Variants in ENDOV observed in about 807,000 individuals in gnomAD.
The protein encoded by ENDOV is hEndoV.
In ENDOV, 37 loss-of-function variants were observed where a neutral mutation model predicts 39.4. The observed-to-expected ratio is 0.94, with a 90% CI of 0.72 to 1.23. ENDOV has a LOEUF of 1.23. Ranked by LOEUF, ENDOV falls within the 50% of genes most tolerant of loss-of-function variation. The pLI is 0.00. For missense variants in ENDOV, 441 were observed against 375.7 expected (o/e 1.17, Z -1.44); for synonymous variants, 186 against 163.4 (o/e 1.14, Z -1.05).
At position 80,437,327 on chromosome 17, in the gene ENDOV, A is replaced by C. The variant is rs907621745; in HGVS notation, c.*1184A>C. 3.9e-5 allele frequency: 6 copies of C among 152,698 alleles called. No homozygotes were observed. Among genetic ancestry groups the C allele is most frequent in the African/African-American group, 1.4e-4 (6 of 41,446 alleles). 9.5% of individuals were successfully genotyped at this position (152,698 alleles called of 1,614,324 possible). On this transcript the variant is annotated 3_prime_UTR_variant, in exon 10 of 10. Transcript: ENST00000518137. ...GCGGACAGCCAGCACCCCCTCCCCA[A>C]AGACCGGGCAGTTCCTGACCAGCAC...
intron 7 of ENDOV, 134 bp from the exon 8 acceptor site, chr17:80,428,462 C>A: frequency 1.2e-6 from 1 of 845,718 alleles, no homozygotes; most frequent in Non-Finnish European, 1.9e-6. Flanking sequence ...GCTCCTGAGC[C>A]TGAAGAACTG....
At chr17:80,421,368 A>G (rs1568217946) in intron 2 of ENDOV, among the ~76,000 whole-genome samples, 1 of 147,628 alleles carries the variant, frequency 6.8e-6, no homozygotes, top group Non-Finnish European at 1.5e-5. Context: ...TACAGACCAG[A>G]TACCAGGGAA....
In ENDOV at chr17:80,423,516, G is replaced by A. The variant is rs2082320256; in HGVS notation, c.404-4G>A. 3 of 1,549,602 alleles carry A rather than the reference G, an allele frequency of 1.9e-6. No homozygotes were observed. Among genetic ancestry groups the A allele is most frequent in the South Asian group, 1.2e-5 (1 of 83,968 alleles). ...CCAACCCCACCCTCCTTTCTCTCTG[G>A]CAGGCTTTGGGGTGGCCTGCCACCT... On this transcript the variant is annotated splice_region_variant and splice_polypyrimidine_tract_variant and intron_variant, in intron 4 of 9. Coordinates refer to ENST00000518137, the MANE Select transcript of ENDOV (RefSeq NM_173627.5).
chr17:80,429,738 A>G, intron 8 of ENDOV, 35 bp from the exon 9 acceptor site: 3 of 1,576,492 alleles, frequency 1.9e-6, no homozygotes, highest in Non-Finnish European at 2.6e-6. Context: ...AGGCGCTAGC[A>G]TCTGATGCTG....
chr17:80,428,405 C>A (rs1220352974), intron 7 of ENDOV, 191 bp from the exon 8 acceptor site: 1 of 608,462 alleles, frequency 1.6e-6, no homozygotes, highest in Non-Finnish European at 2.9e-6. Context: ...GGGCTTTGAC[C>A]CCAAAGTCCC....
At position 80,415,204 on chromosome 17, in the gene ENDOV, G is replaced by C; in HGVS notation, c.10G>C (p.Glu4Gln). 6.2e-7 allele frequency: 1 copy of C among 1,613,258 alleles called. No individual in the cohort carries two copies. The highest frequency in any genetic ancestry group is 8.5e-7 in the Non-Finnish European group (1 of 1,179,686). The change falls in exon 1 of 10, where the codon GAG becomes CAG. Residue 4 changes from glutamate to glutamine, a missense_variant. Transcript: ENST00000518137. MAL[E>Q]AAGGPPEETL... is the part of the protein sequence containing the mutation. ...TGCCCGGGACGAAGCCATGGCCCTG[G>C]AGGCGGCGGGAGGGCCGCCGGAGGA...
At chr17:80,419,594 TCA>T in intron 2 of ENDOV, 1 of 702,982 alleles carries the variant, frequency 1.4e-6, no homozygotes, top group Non-Finnish European at 2.6e-6. Context: ...AGTTCTGCCT[TCA>T]GGTAGCAAAA....
At chr17:80,430,379 G>T (rs75863535) in intron 9 of ENDOV, 7 of 383,716 alleles carry the variant, frequency 1.8e-5, no homozygotes, top group Non-Finnish European at 2.9e-5. Context: ...TCACATATTT[G>T]TTTGTTTGTT....
At chr17:80,423,995 C>A (rs6565687) in intron 5 of ENDOV, 61 of 357,652 alleles carry the variant, frequency 1.7e-4, no homozygotes, top group African/African-American at 1.3e-3. Flanking sequence ...GCCCCAGCCC[C>A]TGTCTCCTCC....
intron 9 of ENDOV, among the ~76,000 whole-genome samples, chr17:80,431,669 G>A (rs2083337766): frequency 6.6e-6 from 1 of 152,206 alleles, no homozygotes; most frequent in African/African-American, 2.4e-5. Context: ...GCCTCACTCA[G>A]CCCTGGGCAC....
In ENDOV at chr17:80,437,033, G is replaced by A. The variant is rs41303566; in HGVS notation, c.*890G>A. 0.067 allele frequency: 10,230 copies of A among 152,726 alleles called. 490 individuals carry two copies. Among genetic ancestry groups the A allele is most frequent in the Admixed American group, 0.14 (2,200 of 15,292 alleles). The allele number at this position is 152,726 out of a possible 1,614,324, so 9.5% of individuals were successfully genotyped here. ...CATCTGTTGGCATACCGTCGTTCAC[G>A]GGATTTTATTGATGTGTGTGAGGTC... On this transcript the variant is annotated 3_prime_UTR_variant, in exon 10 of 10. Transcript: ENST00000518137.
chr17:80,416,101 G>A, intron 2 of ENDOV: 1 of 323,676 alleles, frequency 3.1e-6, no homozygotes, highest in South Asian at 2.8e-5. Flanking sequence ...GACGGGTGTG[G>A]TGGCATATAC....
At chr17:80,422,661 A>G (rs923665453) in intron 4 of ENDOV, among the ~76,000 whole-genome samples, 3 of 151,990 alleles carry the variant, frequency 2.0e-5, no homozygotes, top group Admixed American at 2.0e-4. Context: ...GCCCCCACTG[A>G]TGCCAGGAAC....
At chr17:80,417,597 G>C (rs2081375740) in intron 2 of ENDOV, 1 of 152,178 alleles carries the variant, frequency 6.6e-6, no homozygotes, top group South Asian at 2.1e-4. Flanking sequence ...GTTCTCACAT[G>C]GTGATCCACT....
intron 2 of ENDOV, chr17:80,419,439 A>C (rs1433787943): frequency 1.6e-6 from 1 of 624,126 alleles, no homozygotes; most frequent in African/African-American, 1.8e-5. Context: ...GGCGGAGCCC[A>C]TTCCATGCCA....
intron 7 of ENDOV, chr17:80,427,407 A>C (rs77872528): frequency 0.042 from 41,300 of 985,320 alleles, 1,039 homozygotes; most frequent in East Asian, 0.2. Flanking sequence ...CATCCTTGCA[A>C]GGGAGGGGAC....
Position 80,437,520 on chromosome 17 carries a change from GA to G in ENDOV, c.*1380del, listed in dbSNP as rs1568263872. 6.5e-6 allele frequency: 1 copy of G among 152,704 alleles called. No homozygotes were observed. The highest frequency in any genetic ancestry group is 1.9e-4 in the East Asian group (1 of 5,204). The allele number at this position is 152,704 out of a possible 1,614,324, so 9.5% of individuals were successfully genotyped here. A position where few individuals can be genotyped will look rare whatever the true frequency, so the allele number is the denominator to read the frequency against. ...TCCGAACCCTAAATGGGTGAGAGTT[GA>G]AATGAAAGCGGCACCTGTAGTCCGT... On this transcript the variant is annotated 3_prime_UTR_variant, in exon 10 of 10. Transcript: ENST00000518137.
chr17:80,418,340 A>G (rs2081480730), intron 2 of ENDOV: 1 of 152,346 alleles, frequency 6.6e-6, no homozygotes, highest in Middle Eastern at 3.4e-3. Flanking sequence ...TAATCACCTC[A>G]TCTGCATCCT....
chr17:80,417,439 TA>T (rs1413312064), intron 2 of ENDOV: 1 of 152,192 alleles, frequency 6.6e-6, no homozygotes, highest in Non-Finnish European at 1.5e-5. Flanking sequence ...GCTGCTGTAA[TA>T]GAATACCTTA....
Sources: allele counts gnomAD v4.1 joint callset (sites outside exome capture counted in the v4.1 genomes callset), GRCh38; gene constraint gnomAD v4.1.1; transcripts MANE v1.5; gene names NCBI Gene and HGNC (gene_info 2026-07-23, HGNC 2026-07-21).